Variants in TMEM217 observed in about 807,000 individuals in gnomAD.
The protein encoded by TMEM217 is chromosome 6 open reading frame 128.
For synonymous variants in TMEM217, 76 were observed against 88.3 expected, an observed-to-expected ratio of 0.86 and a Z score of 0.78; for missense variants, 204 against 248.8, an observed-to-expected ratio of 0.82 and a Z score of 1.21.
chr6:37,220,940 G>GAT (rs1191486818), intron 1 of TMEM217, among the ~76,000 whole-genome samples: 2 of 151,678 alleles, frequency 1.3e-5, no homozygotes, highest in African/African-American at 4.8e-5. Flanking sequence ...ATAATACACA[G>GAT]ATATATATAA....
chr6:37,231,501 C>T (rs919630497), intron 1 of TMEM217, among the ~76,000 whole-genome samples: 2 of 149,970 alleles, frequency 1.3e-5, no homozygotes, highest in African/African-American at 2.4e-5. Flanking sequence ...GGTGAAACCT[C>T]GTCTTCACTA....
chr6:37,212,295 T>A (rs1038217060), exon 4 of TMEM217: 1 of 352,382 alleles, frequency 2.8e-6, no homozygotes, highest in Non-Finnish European at 5.6e-6. Flanking sequence ...CATTCCTCAG[T>A]GCGTAAAACT....
At chr6:37,238,333 G>C (rs1764596793) in intron 1 of TMEM217, among the ~76,000 whole-genome samples, 1 of 152,126 alleles carries the variant, frequency 6.6e-6, no homozygotes, top group Non-Finnish European at 1.5e-5. Flanking sequence ...TTTATGCCAA[G>C]GAGTAGCTAC....
At chr6:37,216,032 T>TGAGAGA (rs762266406), downstream of TMEM217, among the ~76,000 whole-genome samples, 62 of 138,454 alleles carry the variant, frequency 4.5e-4, no homozygotes, top group Admixed American at 2.0e-3. Context: ...TGTGTGTGTG[T>TGAGAGA]GAGAAACAGA....
intron 1 of TMEM217, among the ~76,000 whole-genome samples, chr6:37,245,372 G>C (rs1315431035): frequency 6.6e-6 from 1 of 152,218 alleles, no homozygotes; most frequent in Non-Finnish European, 1.5e-5. Context: ...CCCAAACTGG[G>C]GGTTGCTGCC....
chr6:37,230,267 A>G (rs914966468), intron 1 of TMEM217, among the ~76,000 whole-genome samples: 6 of 152,244 alleles, frequency 3.9e-5, no homozygotes, highest in African/African-American at 1.4e-4. Flanking sequence ...CTAATCCAAG[A>G]TAATCTCTTT....
rs139174754 is a variant in TMEM217 at position 37,248,294 on chromosome 6, G to A, written c.-12+9274C>T. On this transcript the variant is annotated intron_variant, in intron 1 of 1. Transcript: ENST00000357219. ...AGTGCTTAATATAGTTTAGTGCCAGGAATACAGTAGATGCTCAATAAAAGC... is the reference window on the plus strand; with the variant it reads ...AGTGCTTAATATAGTTTAGTGCCAGAAATACAGTAGATGCTCAATAAAAGC... 3.4e-3 allele frequency among the ~76,000 whole-genome samples: 515 copies of A among 152,212 alleles called. 2 individuals carry two copies. The highest frequency in any genetic ancestry group is 0.011 in the African/African-American group (455 of 41,540).
chr6:37,217,588 C>T (rs1171019242), downstream of TMEM217: 8 of 973,384 alleles, frequency 8.2e-6, no homozygotes, highest in East Asian at 6.9e-4. Context: ...GTGCCTTTCA[C>T]ACTCCTTGAC....
chr6:37,218,561 CG>C lies in TMEM217; in HGVS notation c.469del (p.Arg157GlyfsTer6). On this transcript the variant is annotated frameshift_variant, in exon 2 of 2. Transcript: ENST00000357219. LOFTEE classifies it low-confidence loss of function (END_TRUNC). ...GTAGGAAATTATATTGCCCTGGCTC[CG>C]GTTTTTGTAGGTTATGTGGGCATAG... 1 of 1,614,086 alleles carries C rather than the reference CG, an allele frequency of 6.2e-7. No individual in the cohort carries two copies. Among genetic ancestry groups the C allele is most frequent in the South Asian group, 1.1e-5 (1 of 91,070 alleles).
chr6:37,219,070 T>A lies in TMEM217; in HGVS notation c.-11-29A>T, dbSNP rs375042915. The A allele has an allele frequency of 5.1e-6, 8 of 1,565,898 alleles. No individual in the cohort carries two copies. The African/African-American group carries it at 9.5e-5, about 19-fold the overall frequency. On this transcript the variant is annotated intron_variant, in intron 1 of 1. Transcript: ENST00000357219. ...TGAAGACAAACAACATGAGGGAGAATTCTAGTTCCTGCCAACATGGTAAAT... is the reference window on the plus strand; with the variant it reads ...TGAAGACAAACAACATGAGGGAGAAATCTAGTTCCTGCCAACATGGTAAAT...
chr6:37,217,208 C>T (rs751435476), downstream of TMEM217, among the ~76,000 whole-genome samples: 3 of 152,200 alleles, frequency 2.0e-5, no homozygotes, highest in Non-Finnish European at 2.9e-5. Flanking sequence ...GCTGGAGAAT[C>T]GCTTAAACCC....
intron 1 of TMEM217, among the ~76,000 whole-genome samples, chr6:37,252,637 ATTTTTTTTTTTT>A (rs374265453): frequency 2.2e-4 from 16 of 71,366 alleles, no homozygotes; most frequent in South Asian, 2.0e-3. Flanking sequence ...ATATATATAT[ATTTTTTTTTTTT>A]TTTTTTTTTT....
intron 1 of TMEM217, among the ~76,000 whole-genome samples, chr6:37,252,236 T>A (rs1765435679): frequency 1.3e-5 from 2 of 152,188 alleles, no homozygotes; most frequent in Admixed American, 1.3e-4. Context: ...GAAAGAAGAA[T>A]AATATTCCAT....
downstream of TMEM217, among the ~76,000 whole-genome samples, chr6:37,215,597 A>AAAAAAAAAAAAAAAAAG (rs1561998656): frequency 6.8e-6 from 1 of 146,882 alleles, no homozygotes; most frequent in African/African-American, 2.5e-5. Flanking sequence ...AAAAAAAAAA[A>AAAAAAAAAAAAAAAAAG]AAAAGAAAAG....
At chr6:37,251,900 A>AT (rs972855796) in intron 1 of TMEM217, among the ~76,000 whole-genome samples, 6 of 152,050 alleles carry the variant, frequency 3.9e-5, no homozygotes, top group Non-Finnish European at 7.4e-5. Flanking sequence ...TACATTTTTA[A>AT]TTTTTTTTAT....
exon 2 of TMEM217, chr6:37,218,387 G>A (rs1763335755): frequency 6.8e-7 from 1 of 1,478,106 alleles, no homozygotes; most frequent in Admixed American, 1.9e-5. Flanking sequence ...GCCAAGGCCA[G>A]GCTGGTCTTG....
intron 1 of TMEM217, among the ~76,000 whole-genome samples, chr6:37,221,593 G>A (rs1246747833): frequency 6.6e-6 from 1 of 152,084 alleles, no homozygotes; most frequent in Non-Finnish European, 1.5e-5. Flanking sequence ...TTTGATTACT[G>A]CATTAAAATA....
chr6:37,240,912 T>C (rs568503155), intron 1 of TMEM217, among the ~76,000 whole-genome samples: 2 of 152,288 alleles, frequency 1.3e-5, no homozygotes, highest in African/African-American at 4.8e-5. Flanking sequence ...TTTAACCTAG[T>C]AGTAGGTGAA....
chr6:37,234,583 A>C (rs761833221), intron 1 of TMEM217, among the ~76,000 whole-genome samples: 9 of 151,980 alleles, frequency 5.9e-5, no homozygotes, highest in Non-Finnish European at 1.0e-4. Flanking sequence ...TAAGAAGTCC[A>C]CATCTGGCCA....
Sources: gnomAD v4.1 joint callset for allele counts (sites outside exome capture counted in the v4.1 genomes callset) on GRCh38, gnomAD v4.1.1 for gene constraint, MANE v1.5 for transcripts, NCBI Gene and HGNC (gene_info 2026-07-23, HGNC 2026-07-21) for gene names.